The following NPAS3 variants were observed in gnomAD, a reference collection of about 807,000 sequenced individuals.
NPAS3 encodes the protein neuronal PAS domain protein 3.
In NPAS3, 14 loss-of-function variants were observed where a neutral mutation model predicts 73.1. The ratio of observed to expected loss-of-function variants is 0.19; its 90% CI spans 0.13 to 0.30. NPAS3 has a LOEUF of 0.30. Ranked by LOEUF, NPAS3 falls within the 10% of genes least tolerant of loss-of-function variation. The probability of loss-of-function intolerance (pLI) is 1.00; values close to 1 mark genes in which losing one functional copy is unlikely to be tolerated. For synonymous variants in NPAS3, 620 were observed against 541.5 expected (o/e 1.14, Z -2.01); for missense variants, 1,096 against 1,250.0 (o/e 0.88, Z 1.86).
chr14:33,039,517 C>A (rs940903835), intron 1 of NPAS3, among the ~76,000 whole-genome samples: 1 of 152,102 alleles, frequency 6.6e-6, no homozygotes, highest in Non-Finnish European at 1.5e-5. Flanking sequence ...CAACAGTGGG[C>A]CCTCGCTTTG....
At chr14:33,350,679 G>A (rs2044998456) in intron 3 of NPAS3, among the ~76,000 whole-genome samples, 1 of 152,210 alleles carries the variant, frequency 6.6e-6, no homozygotes, top group South Asian at 2.1e-4. Flanking sequence ...ACTAATAGAT[G>A]CTTAAAATGA....
intron 4 of NPAS3, 55 bp from the exon 5 acceptor site, chr14:33,560,066 A>G (rs2055566495): frequency 4.1e-6 from 3 of 735,076 alleles, no homozygotes; most frequent in Admixed American, 4.5e-5. Context: ...TACTAATTAA[A>G]TCTGCATCCT....
intron 4 of NPAS3, among the ~76,000 whole-genome samples, chr14:33,475,540 A>G (rs1485054622): frequency 7.1e-6 from 1 of 141,598 alleles, no homozygotes; most frequent in Admixed American, 7.1e-5. Flanking sequence ...GCTAGGAAGA[A>G]CTAAGATCTA....
At chr14:33,544,759 A>G (rs1312261115) in intron 4 of NPAS3, among the ~76,000 whole-genome samples, 3 of 96,878 alleles carry the variant, frequency 3.1e-5, no homozygotes, top group Admixed American at 1.0e-4. Context: ...CTAAGACAAC[A>G]TATGCATGTA....
intron 3 of NPAS3, among the ~76,000 whole-genome samples, chr14:33,302,234 A>G (rs977226847): frequency 5.3e-5 from 8 of 152,206 alleles, no homozygotes; most frequent in African/African-American, 1.4e-4. Flanking sequence ...TCTTTCTACT[A>G]CTAACAGTGG....
intron 2 of NPAS3, among the ~76,000 whole-genome samples, chr14:33,080,575 A>T (rs10142408): frequency 6.6e-6 from 1 of 152,304 alleles, no homozygotes; most frequent in East Asian, 1.9e-4. Context: ...AAGTTGGAGA[A>T]AGTCTCTAGA....
chr14:33,056,456 C>A (rs142583235), intron 2 of NPAS3, among the ~76,000 whole-genome samples: 10 of 152,188 alleles, frequency 6.6e-5, no homozygotes, highest in African/African-American at 2.4e-4. Context: ...ATTATACTGT[C>A]ATGTAGCAGA....
chr14:33,504,854 C>T (rs937230979), intron 4 of NPAS3, among the ~76,000 whole-genome samples: 12 of 152,054 alleles, frequency 7.9e-5, no homozygotes, highest in Admixed American at 2.6e-4. Flanking sequence ...TGGGATTCTA[C>T]GTGAGGAACA....
At chr14:33,153,835 G>C (rs1283337151) in intron 2 of NPAS3, among the ~76,000 whole-genome samples, 1 of 152,044 alleles carries the variant, frequency 6.6e-6, no homozygotes, top group Non-Finnish European at 1.5e-5. Flanking sequence ...GCATACTGTT[G>C]GCTTGGGGTC....
intron 2 of NPAS3, among the ~76,000 whole-genome samples, chr14:33,210,971 G>A (rs1409755465): frequency 1.3e-5 from 2 of 152,208 alleles, no homozygotes; most frequent in African/African-American, 2.4e-5. Flanking sequence ...AGTGAGAAGA[G>A]AGTGCACATT....
At chr14:33,608,906 A>C (rs1413516578) in intron 5 of NPAS3, among the ~76,000 whole-genome samples, 2 of 152,214 alleles carry the variant, frequency 1.3e-5, no homozygotes, top group African/African-American at 4.8e-5. Context: ...CCTCAAATGG[A>C]ATCACCCAGA....
intron 4 of NPAS3, among the ~76,000 whole-genome samples, chr14:33,478,518 A>G (rs2051154779): frequency 6.6e-6 from 1 of 152,196 alleles, no homozygotes; most frequent in Admixed American, 6.5e-5. Context: ...AAATATGTAT[A>G]TGATTAGAAC....
At chr14:33,255,595 C>T (rs377133057) in intron 3 of NPAS3, among the ~76,000 whole-genome samples, 3 of 152,118 alleles carry the variant, frequency 2.0e-5, no homozygotes, top group East Asian at 3.9e-4. Context: ...TAGTTTTTGT[C>T]CTTAACTTTG....
intron 2 of NPAS3, among the ~76,000 whole-genome samples, chr14:33,202,610 G>T (rs2046661856): frequency 6.6e-6 from 1 of 151,810 alleles, no homozygotes; most frequent in African/African-American, 2.4e-5. Context: ...GAAATCTGGA[G>T]AAAATTTCTT....
At chr14:32,943,048 G>A (rs1787589011) in intron 1 of NPAS3, among the ~76,000 whole-genome samples, 1 of 152,130 alleles carries the variant, frequency 6.6e-6, no homozygotes, top group East Asian at 1.9e-4. Flanking sequence ...CATCTTTTCA[G>A]ATTTCCAATT....
intron 9 of NPAS3, among the ~76,000 whole-genome samples, chr14:33,790,239 C>T (rs908413818): frequency 2.6e-5 from 4 of 152,142 alleles, no homozygotes; most frequent in Admixed American, 1.3e-4. Context: ...AAGTAACTCA[C>T]GTGGTGCTTA....
intron 4 of NPAS3, among the ~76,000 whole-genome samples, chr14:33,452,774 CAAAAAAAA>C (rs61640170): frequency 9.3e-5 from 5 of 53,834 alleles, no homozygotes; most frequent in African/African-American, 2.3e-4. Flanking sequence ...GACTCTGTCT[CAAAAAAAA>C]AAAAAAAAAA....
In NPAS3 at chr14:33,428,133, G is replaced by T. The variant is rs538186979; in HGVS notation, c.468+60865G>T. 2.5e-4 allele frequency among the ~76,000 whole-genome samples: 38 copies of T among 152,076 alleles called. No homozygotes were observed. In the South Asian group the frequency reaches 7.7e-3, roughly 31 times the overall value. On this transcript the variant is annotated intron_variant, in intron 4 of 11. Coordinates refer to ENST00000356141, the Ensembl canonical transcript of NPAS3. ...AGGTTTTTCATTCCATGGAGAGATG[G>T]TCTTTGCTGTAAGACACCAGAGAAC...
chr14:33,730,298 T>A (rs1296450678), intron 6 of NPAS3, among the ~76,000 whole-genome samples: 1 of 152,186 alleles, frequency 6.6e-6, no homozygotes, highest in African/African-American at 2.4e-5. Flanking sequence ...ATTTGTCATA[T>A]TCTTGCTCTG....
Sources: gnomAD v4.1 joint callset for allele counts (sites outside exome capture counted in the v4.1 genomes callset) on GRCh38, gnomAD v4.1.1 for gene constraint, MANE v1.5 for transcripts, NCBI Gene and HGNC (gene_info 2026-07-23, HGNC 2026-07-21) for gene names.